The following PARD3B variants were observed in gnomAD, a reference collection of about 807,000 sequenced individuals.
PARD3B encodes partitioning defective 3 homolog B.
PARD3B carries 103 observed loss-of-function variants against 130.2 expected under a neutral mutation model. The ratio of observed to expected loss-of-function variants is 0.79; its 90% CI spans 0.67 to 0.93. The LOEUF is 0.93. Among genes scored for constraint, PARD3B ranks in the 40% least tolerant of loss-of-function variants. PARD3B has a pLI of 0.00. For missense variants in PARD3B, 1,609 were observed against 1,499.2 expected (o/e 1.07, Z -1.21); for synonymous variants, 583 against 553.2 (o/e 1.05, Z -0.76).
intron 1 of PARD3B, among the ~76,000 whole-genome samples, chr2:204,592,956 T>C (rs1434268427): frequency 1.3e-5 from 2 of 152,260 alleles, no homozygotes; most frequent in African/African-American, 4.8e-5. Flanking sequence ...CATGTGTCAG[T>C]ATTTATTCCC....
chr2:205,155,337 C>T (rs542994795), intron 10 of PARD3B, among the ~76,000 whole-genome samples: 5 of 152,134 alleles, frequency 3.3e-5, no homozygotes, highest in Non-Finnish European at 7.4e-5. Flanking sequence ...GAAATTTCAA[C>T]AGGCTTTCAC....
intron 3 of PARD3B, among the ~76,000 whole-genome samples, chr2:205,002,278 T>G (rs1694907484): frequency 1.3e-5 from 2 of 152,142 alleles, no homozygotes; most frequent in South Asian, 4.1e-4. Context: ...AAAAGTAAAG[T>G]CTAAAGCTTT....
intron 1 of PARD3B, among the ~76,000 whole-genome samples, chr2:204,684,736 ATC>A (rs1262244777): frequency 2.0e-5 from 3 of 152,188 alleles, no homozygotes; most frequent in Non-Finnish European, 4.4e-5. Flanking sequence ...CACTGCTTAT[ATC>A]TTTGAGATCT....
At chr2:205,062,362 A>G (rs942618490) in intron 4 of PARD3B, among the ~76,000 whole-genome samples, 9 of 152,146 alleles carry the variant, frequency 5.9e-5, no homozygotes, top group Admixed American at 1.3e-4. Context: ...ATGCCCTCAG[A>G]TCACACACTT....
chr2:204,604,393 T>C (rs1391386618), intron 1 of PARD3B, among the ~76,000 whole-genome samples: 1 of 152,222 alleles, frequency 6.6e-6, no homozygotes, highest in African/African-American at 2.4e-5. Flanking sequence ...GTAAGTGTCC[T>C]GGCATAAAAG....
At chr2:204,745,110 T>A (rs186860508) in intron 2 of PARD3B, among the ~76,000 whole-genome samples, 11 of 152,222 alleles carry the variant, frequency 7.2e-5, no homozygotes, top group Non-Finnish European at 1.3e-4. Context: ...AGGCTCACAC[T>A]TAGTGATAGA....
chr2:205,251,145 A>T (rs2039830443), intron 16 of PARD3B, among the ~76,000 whole-genome samples: 1 of 152,162 alleles, frequency 6.6e-6, no homozygotes, highest in African/African-American at 2.4e-5. Context: ...AACCTCAGCC[A>T]GCTGAACTAG....
Position 205,584,271 on chromosome 2 carries a change from AT to A in PARD3B, c.3260+30873del. ...AGCAAAAGAATATTAAATATAAATT[AT>A]TTTTATATGGATTACTTGTTGACAT... is the stretch of plus-strand genomic sequence containing the variant. On this transcript the variant is annotated intron_variant, in intron 22 of 22. Transcript: ENST00000406610. This position sits in a 1 kb window ranked among gnomAD's most constrained non-coding sequence, Gnocchi z 5.5. Among the ~76,000 whole-genome samples the A allele has an allele frequency of 6.6e-6, 1 of 152,338 alleles. No individual in the cohort carries two copies. The highest frequency in any genetic ancestry group is 2.4e-5 in the African/African-American group (1 of 41,576).
chr2:205,140,776 A>G (rs1277960011), intron 10 of PARD3B, among the ~76,000 whole-genome samples: 1 of 152,210 alleles, frequency 6.6e-6, no homozygotes, highest in Non-Finnish European at 1.5e-5. Flanking sequence ...GTACTTATTC[A>G]TAAATCTAGA....
intron 20 of PARD3B, among the ~76,000 whole-genome samples, chr2:205,442,067 A>C (rs985162987): frequency 2.6e-5 from 4 of 152,132 alleles, no homozygotes; most frequent in African/African-American, 9.7e-5. Flanking sequence ...AGTCAATCTT[A>C]CCTTCCCTAA....
At chr2:205,451,970 G>T (rs984997253) in intron 20 of PARD3B, among the ~76,000 whole-genome samples, 3 of 151,858 alleles carry the variant, frequency 2.0e-5, no homozygotes, top group Non-Finnish European at 4.4e-5. Context: ...CCCTTCCACC[G>T]CTCTGTCTAA....
chr2:204,738,855 A>G (rs917444658), intron 2 of PARD3B, among the ~76,000 whole-genome samples: 3 of 152,164 alleles, frequency 2.0e-5, no homozygotes, highest in Admixed American at 6.5e-5. Flanking sequence ...CTGTTTTTAA[A>G]TGGCTGATGT....
At chr2:205,391,399 C>T (rs1053817431) in intron 18 of PARD3B, among the ~76,000 whole-genome samples, 5 of 152,036 alleles carry the variant, frequency 3.3e-5, no homozygotes, top group East Asian at 1.9e-4. Flanking sequence ...CAGAAAAGCC[C>T]GAAGATCCAC....
chr2:205,100,738 T>TA (rs970880608), intron 4 of PARD3B, among the ~76,000 whole-genome samples: 2 of 151,986 alleles, frequency 1.3e-5, no homozygotes, highest in East Asian at 1.9e-4. Flanking sequence ...ATTCAATGAA[T>TA]AAAAAAACAA....
chr2:205,507,491 G>A (rs1451758440), intron 21 of PARD3B, among the ~76,000 whole-genome samples: 1 of 151,930 alleles, frequency 6.6e-6, no homozygotes. Flanking sequence ...TGGGATTACA[G>A]GCTTGAGCCA....
At chr2:204,737,342 A>T (rs1269147173) in intron 2 of PARD3B, among the ~76,000 whole-genome samples, 1 of 152,146 alleles carries the variant, frequency 6.6e-6, no homozygotes, top group Non-Finnish European at 1.5e-5. Context: ...CCTGATGGTT[A>T]GTGATGTTGA....
At chr2:204,829,800 C>A (rs898143839) in intron 2 of PARD3B, among the ~76,000 whole-genome samples, 1 of 151,978 alleles carries the variant, frequency 6.6e-6, no homozygotes, top group South Asian at 2.1e-4. Flanking sequence ...GAGATCAAGA[C>A]CATCCTGGCT....
At chr2:205,196,518 A>C (rs186791034) in intron 15 of PARD3B, among the ~76,000 whole-genome samples, 1 of 152,254 alleles carries the variant, frequency 6.6e-6, no homozygotes. Context: ...CTCATCATAA[A>C]AAAGGTTTCA....
intron 22 of PARD3B, among the ~76,000 whole-genome samples, chr2:205,597,973 T>C (rs903266193): frequency 6.6e-6 from 1 of 152,028 alleles, no homozygotes; most frequent in Admixed American, 6.6e-5. Flanking sequence ...ATGTTAAACA[T>C]GGAAACAAAA....
Sources: allele counts gnomAD v4.1 joint callset (sites outside exome capture counted in the v4.1 genomes callset), GRCh38; gene constraint gnomAD v4.1.1; non-coding constraint Gnocchi (gnomAD v3.1); transcripts MANE v1.5; gene names NCBI Gene and HGNC (gene_info 2026-07-23, HGNC 2026-07-21).